The following RUNX2 variants were observed in gnomAD, a reference collection of about 807,000 sequenced individuals.
RUNX2 encodes the protein runt-related transcription factor 2.
A neutral mutation model predicts 51.7 loss-of-function variants in RUNX2; 10 were observed. The ratio of observed to expected loss-of-function variants is 0.19; its 90% CI spans 0.12 to 0.33. The LOEUF (loss-of-function observed/expected upper bound fraction) is 0.33, where lower values mean the gene tolerates loss of function less well. Among genes scored for constraint, RUNX2 ranks in the 10% least tolerant of loss-of-function variants. The pLI, the probability that RUNX2 is intolerant of heterozygous loss-of-function variation, is 1.00. For missense variants in RUNX2, 562 were observed against 691.3 expected (o/e 0.81, Z 2.10); for synonymous variants, 276 against 273.6 (o/e 1.01, Z -0.09).
At chr6:45,390,867 G>A (rs182166116) in intron 2 of RUNX2, among the ~76,000 whole-genome samples, 76 of 152,038 alleles carry the variant, frequency 5.0e-4, no homozygotes, top group Non-Finnish European at 9.0e-4. Flanking sequence ...TTTCCTTCAG[G>A]GAAAACTCCT....
At chr6:45,475,818 CGG>C in intron 5 of RUNX2, among the ~76,000 whole-genome samples, 1 of 152,292 alleles carries the variant, frequency 6.6e-6, no homozygotes, top group Middle Eastern at 3.4e-3. Flanking sequence ...ACAATTTATA[CGG>C]TGAACTGGTA....
At chr6:45,521,734 G>A (rs1801513346) in intron 7 of RUNX2, among the ~76,000 whole-genome samples, 1 of 151,954 alleles carries the variant, frequency 6.6e-6, no homozygotes, top group Admixed American at 6.6e-5. Flanking sequence ...GACGCTTTCT[G>A]TATAGTATGG....
intron 2 of RUNX2, among the ~76,000 whole-genome samples, chr6:45,354,601 A>T (rs1237355355): frequency 6.8e-6 from 1 of 148,132 alleles, no homozygotes; most frequent in African/African-American, 2.5e-5. Context: ...GATTTATTCA[A>T]ACAGTAACTA....
At chr6:45,352,167 C>T (rs1792199724) in intron 2 of RUNX2, among the ~76,000 whole-genome samples, 1 of 152,120 alleles carries the variant, frequency 6.6e-6, no homozygotes, top group Non-Finnish European at 1.5e-5. Context: ...ACTAAAAATC[C>T]TAACAGTATT....
intron 2 of RUNX2, among the ~76,000 whole-genome samples, chr6:45,396,982 A>G (rs891654827): frequency 4.6e-5 from 7 of 152,162 alleles, no homozygotes; most frequent in Non-Finnish European, 1.0e-4. Context: ...GCTTATACAT[A>G]CTTTGTCCAA....
chr6:45,508,347 G>A (rs1055054466), intron 6 of RUNX2, among the ~76,000 whole-genome samples: 3 of 147,976 alleles, frequency 2.0e-5, no homozygotes, highest in Admixed American at 6.9e-5. Context: ...TCCTGCCTCA[G>A]CCTCCTGAGT....
At chr6:45,406,828 A>C (rs1018023658) in intron 2 of RUNX2, among the ~76,000 whole-genome samples, 1 of 152,184 alleles carries the variant, frequency 6.6e-6, no homozygotes, top group Non-Finnish European at 1.5e-5. Flanking sequence ...TTTCCAAACC[A>C]ATCTCCAGCC....
chr6:45,336,532 T>G (rs1330501476), intron 2 of RUNX2, among the ~76,000 whole-genome samples: 1 of 151,434 alleles, frequency 6.6e-6, no homozygotes, highest in Non-Finnish European at 1.5e-5. Flanking sequence ...AAGATACACT[T>G]AAATATTTTT....
intron 2 of RUNX2, among the ~76,000 whole-genome samples, chr6:45,349,394 T>C (rs780245316): frequency 6.1e-4 from 93 of 152,346 alleles, no homozygotes; most frequent in Non-Finnish European, 1.0e-3. Context: ...TAGCTACTTA[T>C]TGATAAATCG....
At chr6:45,442,949 A>G (rs1299768742) in intron 5 of RUNX2, among the ~76,000 whole-genome samples, 1 of 147,994 alleles carries the variant, frequency 6.8e-6, no homozygotes, top group Non-Finnish European at 1.5e-5. Flanking sequence ...TGGCCTCTCC[A>G]TGTGGTCTTT....
At chr6:45,471,505 C>T (rs1190411668) in intron 5 of RUNX2, among the ~76,000 whole-genome samples, 7 of 148,144 alleles carry the variant, frequency 4.7e-5, no homozygotes, top group South Asian at 2.1e-4. Flanking sequence ...AGTGTGGTGG[C>T]GCGATCTCGG....
intron 6 of RUNX2, among the ~76,000 whole-genome samples, chr6:45,502,540 C>A (rs1188402834): frequency 1.3e-5 from 2 of 152,090 alleles, no homozygotes; most frequent in Admixed American, 6.5e-5. Context: ...TCAAGGCTCA[C>A]CTTACCCATC....
At chr6:45,385,733 GTACTAAAAA>G (rs1412585292) in intron 2 of RUNX2, among the ~76,000 whole-genome samples, 2 of 152,090 alleles carry the variant, frequency 1.3e-5, no homozygotes, top group Admixed American at 6.6e-5. Context: ...AACCCCGTCT[GTACTAAAAA>G]TACAGAAATC....
chr6:45,481,411 C>T (rs1800110037), intron 5 of RUNX2, among the ~76,000 whole-genome samples: 1 of 152,030 alleles, frequency 6.6e-6, no homozygotes, highest in Non-Finnish European at 1.5e-5. Flanking sequence ...GCTCGAAACA[C>T]AAAGAACTGT....
chr6:45,426,164 A>G (rs373125826), intron 3 of RUNX2, among the ~76,000 whole-genome samples: 3 of 152,348 alleles, frequency 2.0e-5, no homozygotes, highest in South Asian at 2.1e-4. Context: ...AAAAATGCAA[A>G]AACAACTGGT....
intron 2 of RUNX2, among the ~76,000 whole-genome samples, chr6:45,331,124 T>C (rs1004618540): frequency 4.6e-5 from 7 of 150,674 alleles, no homozygotes; most frequent in Non-Finnish European, 8.8e-5. Flanking sequence ...TGTGTGTGTG[T>C]GTGCGCGCGC....
intron 2 of RUNX2, among the ~76,000 whole-genome samples, chr6:45,336,725 C>A (rs1234494848): frequency 6.6e-6 from 1 of 151,150 alleles, no homozygotes; most frequent in Non-Finnish European, 1.5e-5. Flanking sequence ...TATTTACTTA[C>A]AAAGTAAATA....
At chr6:45,384,689 A>G (rs1797312311) in intron 2 of RUNX2, among the ~76,000 whole-genome samples, 1 of 134,516 alleles carries the variant, frequency 7.4e-6, no homozygotes, top group African/African-American at 2.7e-5. Flanking sequence ...TATCTCAAGT[A>G]TTAGACATTA....
At chr6:45,497,038 G>A (rs865805267) in intron 6 of RUNX2, among the ~76,000 whole-genome samples, 2 of 152,234 alleles carry the variant, frequency 1.3e-5, no homozygotes, top group African/African-American at 4.8e-5. Flanking sequence ...GGTGGAGTGG[G>A]GCTGGGGAGC....
Sources: gnomAD v4.1 joint callset for allele counts (sites outside exome capture counted in the v4.1 genomes callset) on GRCh38, gnomAD v4.1.1 for gene constraint, MANE v1.5 for transcripts, NCBI Gene and HGNC (gene_info 2026-07-23, HGNC 2026-07-21) for gene names.